The following KIAA1217 variants were observed in gnomAD, a reference collection of about 807,000 sequenced individuals.
KIAA1217 encodes the protein KIAA1217, also known as sickle tail protein homolog.
In KIAA1217, 88 loss-of-function variants were observed where a neutral mutation model predicts 163.9. The ratio of observed to expected loss-of-function variants is 0.54; its 90% confidence interval spans 0.45 to 0.64. KIAA1217 has a LOEUF of 0.64. KIAA1217 is among the 30% of genes least tolerant of loss of function. KIAA1217 has a pLI of 0.00. For missense variants in KIAA1217, 2,372 were observed against 2,475.0 expected (o/e 0.96, Z 0.88); for synonymous variants, 903 against 923.1 (o/e 0.98, Z 0.39).
At chr10:24,100,706 G>A (rs1431205969) in intron 2 of KIAA1217, among the ~76,000 whole-genome samples, 1 of 152,176 alleles carries the variant, frequency 6.6e-6, no homozygotes, top group Non-Finnish European at 1.5e-5. Context: ...ATTTTGCAAG[G>A]AAATCAATTC....
At chr10:24,210,495 A>G (rs1222202636) in intron 1 of KIAA1217, among the ~76,000 whole-genome samples, 1 of 100,630 alleles carries the variant, frequency 9.9e-6, no homozygotes, top group Non-Finnish European at 1.9e-5. Flanking sequence ...TTTCTAGGAC[A>G]GGATCCTACT....
intron 1 of KIAA1217, among the ~76,000 whole-genome samples, chr10:23,990,849 G>T (rs1004367337): frequency 6.6e-6 from 1 of 152,056 alleles, no homozygotes; most frequent in African/African-American, 2.4e-5. Flanking sequence ...GGGAGGAAAG[G>T]GCTATAGATT....
At chr10:23,887,458 T>C (rs1841232201) in intron 1 of KIAA1217, among the ~76,000 whole-genome samples, 2 of 151,886 alleles carry the variant, frequency 1.3e-5, no homozygotes, top group African/African-American at 4.8e-5. Flanking sequence ...AGAATCTGTC[T>C]AATGTGAATG....
intron 2 of KIAA1217, among the ~76,000 whole-genome samples, chr10:24,023,539 G>A (rs1012851081): frequency 2.6e-5 from 4 of 151,492 alleles, no homozygotes; most frequent in Non-Finnish European, 3.0e-5. Flanking sequence ...ACCTACTTTC[G>A]ATATATATGC....
At chr10:24,264,397 A>G (rs1166726632) in intron 2 of KIAA1217, among the ~76,000 whole-genome samples, 2 of 152,288 alleles carry the variant, frequency 1.3e-5, no homozygotes, top group East Asian at 3.9e-4. Flanking sequence ...TGGGAAGGGG[A>G]TGGACAAGAT....
At chr10:23,738,620 T>C (rs952891502) in intron 1 of KIAA1217, among the ~76,000 whole-genome samples, 1 of 152,128 alleles carries the variant, frequency 6.6e-6, no homozygotes, top group African/African-American at 2.4e-5. Context: ...AGAAATGTTT[T>C]TTTTTCTATT....
chr10:24,292,208 A>C lies in KIAA1217; in HGVS notation c.354+72299A>C, dbSNP rs563097939. On this transcript the variant is annotated intron_variant, in intron 2 of 20. Transcript: ENST00000376454. ...GGACCCCAGAGGATTAAGTGGATGT[A>C]GTTTGCAGTTGAGGTTAAGTGGTCA... is the stretch of plus-strand genomic sequence containing the variant. 4.6e-5 allele frequency among the ~76,000 whole-genome samples: 7 copies of C among 152,316 alleles called. No individual in the cohort carries two copies. The South Asian group carries it at 1.4e-3, about 32-fold the overall frequency.
intron 2 of KIAA1217, among the ~76,000 whole-genome samples, chr10:24,198,560 G>A (rs1221246856): frequency 6.8e-6 from 1 of 147,054 alleles, no homozygotes; most frequent in Admixed American, 7.0e-5. Flanking sequence ...AGTGAGCCAA[G>A]ATCGTGCCAC....
chr10:24,316,599 T>G (rs949004038), intron 2 of KIAA1217, among the ~76,000 whole-genome samples: 10 of 152,258 alleles, frequency 6.6e-5, no homozygotes, highest in East Asian at 5.8e-4. Context: ...CGAAAATGGT[T>G]GTAGAATGTG....
At chr10:24,402,990 T>C (rs140532032) in intron 3 of KIAA1217, among the ~76,000 whole-genome samples, 38 of 152,256 alleles carry the variant, frequency 2.5e-4, no homozygotes, top group South Asian at 1.5e-3. Flanking sequence ...TTTTAGCATA[T>C]GGTACTGAAG....
chr10:24,385,973 C>G (rs1336316462), intron 3 of KIAA1217, among the ~76,000 whole-genome samples: 1 of 152,078 alleles, frequency 6.6e-6, no homozygotes, highest in Non-Finnish European at 1.5e-5. Flanking sequence ...CTGGCCACTG[C>G]GTAGTCGGCC....
At chr10:23,811,293 T>A (rs1837037667) in intron 1 of KIAA1217, among the ~76,000 whole-genome samples, 1 of 145,808 alleles carries the variant, frequency 6.9e-6, no homozygotes, top group South Asian at 2.1e-4. Context: ...ACATAGCATA[T>A]ATAGTATGTG....
chr10:23,810,331 C>A (rs1836941575), intron 1 of KIAA1217, among the ~76,000 whole-genome samples: 1 of 145,316 alleles, frequency 6.9e-6, no homozygotes, highest in South Asian at 2.1e-4. Context: ...TATATATACA[C>A]ACACTATATA....
chr10:24,208,474 A>T (rs1019360844), upstream of KIAA1217, among the ~76,000 whole-genome samples: 2 of 151,950 alleles, frequency 1.3e-5, no homozygotes, highest in Non-Finnish European at 2.9e-5. Flanking sequence ...AAAAGTCCAG[A>T]TTAAGTGATT....
Position 24,144,230 on chromosome 10 carries a change from A to G in KIAA1217, c.-170-75396A>G, listed in dbSNP as rs548071776. Among the ~76,000 whole-genome samples, 65 of 152,336 alleles carry G rather than the reference A, an allele frequency of 4.3e-4. No homozygotes were observed. The South Asian group carries it at 0.013, about 31-fold the overall frequency. ...GCTACCTTCTCCATGTGTGAATCTC[A>G]TTTTAAATTATCTAAGACACAGTAG... On this transcript the variant is annotated intron_variant, in intron 2 of 18. Transcript: ENST00000376462.
chr10:24,133,659 C>T (rs575578003), intron 2 of KIAA1217, among the ~76,000 whole-genome samples: 1 of 151,944 alleles, frequency 6.6e-6, no homozygotes, highest in East Asian at 1.9e-4. Flanking sequence ...AAAACAGCAA[C>T]TAGTGAGTGA....
intron 1 of KIAA1217, among the ~76,000 whole-genome samples, chr10:23,893,735 C>CCTCAATAAAATA (rs1841528747): frequency 6.6e-6 from 1 of 151,982 alleles, no homozygotes; most frequent in Non-Finnish European, 1.5e-5. Context: ...ATGCAAAAAT[C>CCTCAATAAAATA]CTCAATAAAA....
At chr10:24,198,621 T>A (rs905946223) in intron 2 of KIAA1217, among the ~76,000 whole-genome samples, 5 of 150,798 alleles carry the variant, frequency 3.3e-5, no homozygotes, top group Admixed American at 6.6e-5. Flanking sequence ...AGGATCTGTG[T>A]GTGCCTCGGG....
chr10:23,902,344 G>A (rs1053164581), intron 1 of KIAA1217, among the ~76,000 whole-genome samples: 1 of 151,960 alleles, frequency 6.6e-6, no homozygotes, highest in African/African-American at 2.4e-5. Flanking sequence ...ACATCGAGGG[G>A]AACAGCACAC....
Sources: allele counts gnomAD v4.1 joint callset (sites outside exome capture counted in the v4.1 genomes callset), GRCh38; gene constraint gnomAD v4.1.1; transcripts MANE v1.5; gene names NCBI Gene and HGNC (gene_info 2026-07-23, HGNC 2026-07-21).